EYS: variants seen among roughly 807,000 people sequenced by gnomAD.
EYS encodes protein eyes shut homolog.
In EYS, 250 loss-of-function variants were observed where a neutral mutation model predicts 282.1. That is an observed-to-expected ratio of 0.89 (90% CI 0.80 to 0.98). The LOEUF is 0.98. Among genes scored for constraint, EYS ranks in the 50% least tolerant of loss-of-function variants. EYS has a pLI of 0.00. For synonymous variants in EYS, 1,355 were observed against 1,282.9 expected, an observed-to-expected ratio of 1.06 and a Z score of -1.20; for missense variants, 4,016 against 3,709.0, an observed-to-expected ratio of 1.08 and a Z score of -2.15.
intron 22 of EYS, among the ~76,000 whole-genome samples, chr6:64,794,925 T>C (rs1774307387): frequency 6.6e-6 from 1 of 152,132 alleles, no homozygotes; most frequent in African/African-American, 2.4e-5. Context: ...TGGACATTTA[T>C]ACTACAGGGA....
intron 34 of EYS, among the ~76,000 whole-genome samples, chr6:63,989,606 G>C (rs1372871446): frequency 6.6e-6 from 1 of 150,942 alleles, no homozygotes; most frequent in Non-Finnish European, 1.5e-5. Flanking sequence ...TTGGATTCTT[G>C]GAGTCCATAG....
At chr6:64,694,736 T>C (rs1004105496) in intron 22 of EYS, among the ~76,000 whole-genome samples, 1 of 152,202 alleles carries the variant, frequency 6.6e-6, no homozygotes, top group Non-Finnish European at 1.5e-5. Context: ...GCTCCAGCGA[T>C]GGACATGGGA....
chr6:64,134,624 T>C (rs1354335724), intron 31 of EYS, among the ~76,000 whole-genome samples: 1 of 151,970 alleles, frequency 6.6e-6, no homozygotes, highest in Non-Finnish European at 1.5e-5. Context: ...TGAAGAATGT[T>C]GGTGTGGTGG....
intron 28 of EYS, among the ~76,000 whole-genome samples, chr6:64,415,989 C>A (rs927891103): frequency 1.3e-5 from 2 of 152,142 alleles, no homozygotes; most frequent in South Asian, 4.1e-4. Context: ...AAAAACTGAG[C>A]TTAATGTATA....
intron 19 of EYS, among the ~76,000 whole-genome samples, chr6:64,866,561 T>C (rs1177723030): frequency 6.6e-6 from 1 of 151,880 alleles, no homozygotes; most frequent in Admixed American, 6.6e-5. Context: ...TTAAATGTGC[T>C]CAAAAGGCCT....
intron 22 of EYS, among the ~76,000 whole-genome samples, chr6:64,720,455 T>C (rs1771542188): frequency 6.6e-6 from 1 of 152,160 alleles, no homozygotes; most frequent in Admixed American, 6.6e-5. Flanking sequence ...GATTTAGACA[T>C]TTTGGGAGGG....
intron 15 of EYS, among the ~76,000 whole-genome samples, chr6:64,930,461 T>TAAAAAAAAAAAA (rs55650031): frequency 2.4e-5 from 3 of 123,028 alleles, no homozygotes; most frequent in Non-Finnish European, 3.4e-5. Flanking sequence ...ATAAATAAGG[T>TAAAAAAAAAAAA]AAAAAAAAAA....
intron 22 of EYS, among the ~76,000 whole-genome samples, chr6:64,670,749 A>G (rs1355307654): frequency 1.3e-5 from 2 of 152,076 alleles, no homozygotes; most frequent in Non-Finnish European, 2.9e-5. Context: ...ACATAAGTAC[A>G]TTTCATGGAG....
intron 12 of EYS, among the ~76,000 whole-genome samples, chr6:65,187,057 C>G (rs1246380989): frequency 6.6e-6 from 1 of 151,754 alleles, no homozygotes; most frequent in Non-Finnish European, 1.5e-5. Flanking sequence ...GTTGTATACT[C>G]AAGTTTAGAC....
rs149601970 is a variant in EYS at position 65,266,869 on chromosome 6, C to T, written c.2023+28994G>A. 3.4e-3 allele frequency among the ~76,000 whole-genome samples: 496 copies of T among 145,846 alleles called. 2 individuals carry two copies. The highest frequency in any genetic ancestry group is 0.025 in the Middle Eastern group (7 of 282). ...TTAACATTTATAGTTGTTATAAATACACATCTTAATGTGTGTGCATATATA... is the reference window on the plus strand; with the variant it reads ...TTAACATTTATAGTTGTTATAAATATACATCTTAATGTGTGTGCATATATA... On this transcript the variant is annotated intron_variant, in intron 12 of 42. Coordinates refer to ENST00000503581, the MANE Select transcript of EYS (RefSeq NM_001142800.2).
chr6:65,311,441 T>C (rs1769157930), intron 11 of EYS, among the ~76,000 whole-genome samples: 1 of 152,210 alleles, frequency 6.6e-6, no homozygotes, highest in South Asian at 2.1e-4. Flanking sequence ...GTCCTGGACT[T>C]ACAGATGGTT....
chr6:64,033,803 A>G (rs9362389), intron 33 of EYS, among the ~76,000 whole-genome samples: 1 of 151,512 alleles, frequency 6.6e-6, no homozygotes, highest in Non-Finnish European at 1.5e-5. Flanking sequence ...ATTGTTGCAA[A>G]GTAATTCTGA....
At chr6:64,134,636 T>C (rs1328557923) in intron 31 of EYS, among the ~76,000 whole-genome samples, 1 of 151,908 alleles carries the variant, frequency 6.6e-6, no homozygotes, top group Non-Finnish European at 1.5e-5. Context: ...GTGTGGTGGA[T>C]GGAAGGGAAG....
At chr6:64,837,178 C>A (rs926807871) in intron 19 of EYS, among the ~76,000 whole-genome samples, 3 of 146,612 alleles carry the variant, frequency 2.0e-5, no homozygotes, top group South Asian at 2.2e-4. Context: ...GTTTTATCTG[C>A]AATTTCCATT....
intron 24 of EYS, among the ~76,000 whole-genome samples, chr6:64,613,532 C>G (rs1338456294): frequency 1.3e-5 from 2 of 152,040 alleles, no homozygotes; most frequent in Non-Finnish European, 2.9e-5. Flanking sequence ...TCATTTCCCA[C>G]TAAAGGAAAA....
chr6:65,211,582 C>T (rs1766177198), intron 12 of EYS, among the ~76,000 whole-genome samples: 1 of 152,018 alleles, frequency 6.6e-6, no homozygotes, highest in African/African-American at 2.4e-5. Flanking sequence ...GACTTTCTAA[C>T]TCTGATTTTC....
At chr6:65,519,708 ATT>A (rs59743261) in intron 2 of EYS, among the ~76,000 whole-genome samples, 8 of 42,556 alleles carry the variant, frequency 1.9e-4, no homozygotes, top group African/African-American at 7.6e-4. Flanking sequence ...ATATATATAT[ATT>A]TTTTTTTTTT....
intron 35 of EYS, among the ~76,000 whole-genome samples, chr6:63,981,495 G>A (rs1437306309): frequency 6.6e-6 from 1 of 151,840 alleles, no homozygotes; most frequent in African/African-American, 2.4e-5. Context: ...GTATGCAACG[G>A]TGTAAGTAGT....
chr6:64,403,062 T>G (rs549642903), intron 28 of EYS, among the ~76,000 whole-genome samples: 4 of 152,126 alleles, frequency 2.6e-5, no homozygotes, highest in Non-Finnish European at 5.9e-5. Context: ...TAATTGACAT[T>G]AGATTATTAA....
Sources: allele counts gnomAD v4.1 joint callset (sites outside exome capture counted in the v4.1 genomes callset), GRCh38; gene constraint gnomAD v4.1.1; transcripts MANE v1.5; gene names NCBI Gene and HGNC (gene_info 2026-07-23, HGNC 2026-07-21).